Variants in NAALADL2 observed in about 807,000 individuals in gnomAD.
The protein encoded by NAALADL2 is inactive N-acetylated-alpha-linked acidic dipeptidase-like protein 2.
A neutral mutation model predicts 87.2 loss-of-function variants in NAALADL2; 76 were observed. The observed-to-expected ratio is 0.87, with a 90% CI of 0.72 to 1.05. The LOEUF (loss-of-function observed/expected upper bound fraction) is 1.05. Among genes scored for constraint, NAALADL2 ranks in the 50% least tolerant of loss-of-function variants. NAALADL2 has a pLI of 0.00. For missense variants in NAALADL2, 1,089 were observed against 945.8 expected, an observed-to-expected ratio of 1.15 and a Z score of -1.99; for synonymous variants, 354 against 331.0, an observed-to-expected ratio of 1.07 and a Z score of -0.75.
intron 13 of NAALADL2, among the ~76,000 whole-genome samples, chr3:175,795,186 A>G (rs1034199958): frequency 6.6e-6 from 1 of 152,234 alleles, no homozygotes; most frequent in Non-Finnish European, 1.5e-5. Flanking sequence ...CATTCAGTCT[A>G]TAACAATGGT....
At chr3:174,623,569 TATAAATA>T (rs1384839015) in intron 2 of NAALADL2, among the ~76,000 whole-genome samples, 1 of 151,508 alleles carries the variant, frequency 6.6e-6, no homozygotes, top group African/African-American at 2.4e-5. Context: ...TTTAAATATT[TATAAATA>T]TTTAAATAAA....
rs199808634 is a variant in NAALADL2, at chr3:175,049,078, G to A, written c.44-47712G>A. On this transcript the variant is annotated intron_variant, in intron 1 of 13. Coordinates refer to ENST00000454872, the MANE Select transcript of NAALADL2 (RefSeq NM_207015.3). ...TCCGCCAGTGGATGCCTTTAACCTT[G>A]AATAGTACTCAACCCCACAGATATT... 1.7e-4 allele frequency among the ~76,000 whole-genome samples: 26 copies of A among 152,168 alleles called. No individual in the cohort carries two copies. In the East Asian group the frequency reaches 3.3e-3, roughly 19 times the overall value.
At chr3:175,161,715 C>A (rs1015050721) in intron 2 of NAALADL2, among the ~76,000 whole-genome samples, 2 of 135,758 alleles carry the variant, frequency 1.5e-5, no homozygotes, top group African/African-American at 5.5e-5. Flanking sequence ...TTTGCCCAAA[C>A]TTCTATAGCA....
intron 2 of NAALADL2, among the ~76,000 whole-genome samples, chr3:175,172,728 G>T (rs953097064): frequency 1.3e-5 from 2 of 152,092 alleles, no homozygotes; most frequent in Non-Finnish European, 2.9e-5. Context: ...GGAAGATTTG[G>T]AATAGTAAAG....
rs1361741105 is a variant in NAALADL2 at position 174,699,849 on chromosome 3, T to TG, written c.-114-37792_-114-37791insG. ...TCATTTTAAGATGCTTTTTTTTTTT[T>TG]TTTTGAGAAGATTGTATATTTTTTT... On this transcript the variant is annotated intron_variant, in intron 2 of 3. Coordinates refer to the NAALADL2 transcript ENST00000434257. Among the ~76,000 whole-genome samples the TG allele has an allele frequency of 2.8e-3, 419 of 151,718 alleles. 6 individuals carry two copies. Among genetic ancestry groups the TG allele is most frequent in the African/African-American group, 9.4e-3 (389 of 41,392 alleles).
At chr3:174,978,393 G>A (rs956371041) in intron 1 of NAALADL2, among the ~76,000 whole-genome samples, 12 of 152,178 alleles carry the variant, frequency 7.9e-5, no homozygotes, top group Admixed American at 4.6e-4. Flanking sequence ...AATCTCAACA[G>A]AAGCATAATA....
intron 1 of NAALADL2, among the ~76,000 whole-genome samples, chr3:175,015,600 A>G (rs1750706145): frequency 6.6e-6 from 1 of 152,114 alleles, no homozygotes; most frequent in Non-Finnish European, 1.5e-5. Flanking sequence ...TACTGAAATG[A>G]TATTAAATAT....
chr3:174,858,106 C>G (rs1726054426), upstream of NAALADL2, among the ~76,000 whole-genome samples: 1 of 127,726 alleles, frequency 7.8e-6, no homozygotes, highest in Non-Finnish European at 1.6e-5. Context: ...TAGCTGCAGA[C>G]TAATAAAAAT....
chr3:175,778,796 G>A (rs1750617972), intron 13 of NAALADL2, among the ~76,000 whole-genome samples: 2 of 152,094 alleles, frequency 1.3e-5, no homozygotes, highest in South Asian at 2.1e-4. Context: ...GGTGGTGATG[G>A]GCCAGGAAGC....
intron 1 of NAALADL2, among the ~76,000 whole-genome samples, chr3:175,086,567 T>A (rs762969502): frequency 1.2e-4 from 18 of 152,194 alleles, no homozygotes; most frequent in Non-Finnish European, 1.8e-4. Flanking sequence ...ATATAAAAGT[T>A]CTGTTAAATG....
chr3:175,718,250 G>T (rs7647175), intron 11 of NAALADL2: 1 of 1,134,016 alleles, frequency 8.8e-7, no homozygotes, highest in South Asian at 1.2e-5. Flanking sequence ...ACTGTCCTTC[G>T]GGCGACTGAG....
chr3:174,846,489 G>C (rs546903306), intron 3 of NAALADL2, among the ~76,000 whole-genome samples: 1 of 152,082 alleles, frequency 6.6e-6, no homozygotes, highest in East Asian at 1.9e-4. Context: ...TTAAAATTTT[G>C]TATGCCACAT....
At chr3:174,447,972 T>G (rs1715181104) in intron 1 of NAALADL2, among the ~76,000 whole-genome samples, 1 of 152,184 alleles carries the variant, frequency 6.6e-6, no homozygotes, top group South Asian at 2.1e-4. Flanking sequence ...AAAATACTTA[T>G]TATTGCTGTT....
chr3:175,721,877 A>T (rs1323520793), intron 11 of NAALADL2, among the ~76,000 whole-genome samples: 2 of 151,994 alleles, frequency 1.3e-5, no homozygotes, highest in African/African-American at 2.4e-5. Flanking sequence ...AAATCAGGAG[A>T]TTGTTTTTTA....
intron 2 of NAALADL2, among the ~76,000 whole-genome samples, chr3:175,214,735 TTTAA>T (rs1202177851): frequency 7.2e-5 from 11 of 152,180 alleles, no homozygotes; most frequent in Admixed American, 1.3e-4. Flanking sequence ...ACTGGGTAAC[TTTAA>T]TTGTGCCAAT....
intron 11 of NAALADL2, among the ~76,000 whole-genome samples, chr3:175,700,832 C>T (rs555711814): frequency 2.0e-5 from 3 of 152,020 alleles, no homozygotes; most frequent in Non-Finnish European, 2.9e-5. Flanking sequence ...GTAATGTATA[C>T]TTATCATGGA....
intron 1 of NAALADL2, among the ~76,000 whole-genome samples, chr3:174,527,251 T>G (rs1452530956): frequency 6.6e-6 from 1 of 152,022 alleles, no homozygotes; most frequent in East Asian, 1.9e-4. Context: ...CTGGGCGCAG[T>G]GGGTCAGGCC....
chr3:175,431,130 G>A (rs1006884162), intron 5 of NAALADL2, among the ~76,000 whole-genome samples: 3 of 151,972 alleles, frequency 2.0e-5, no homozygotes, highest in East Asian at 3.9e-4. Context: ...TATTTTCTTC[G>A]AAGCAACCTT....
At chr3:174,494,290 G>C (rs1718382032) in intron 1 of NAALADL2, among the ~76,000 whole-genome samples, 1 of 152,072 alleles carries the variant, frequency 6.6e-6, no homozygotes, top group Admixed American at 6.6e-5. Flanking sequence ...CAGGAGGTGA[G>C]AAATAATCAG....
Sources: gnomAD v4.1 joint callset for allele counts (sites outside exome capture counted in the v4.1 genomes callset) on GRCh38, gnomAD v4.1.1 for gene constraint, MANE v1.5 for transcripts, NCBI Gene and HGNC (gene_info 2026-07-23, HGNC 2026-07-21) for gene names.